Variants in AHNAK observed in about 807,000 individuals in gnomAD.
AHNAK encodes AHNAK nucleoprotein, also known as neuroblast differentiation-associated protein AHNAK.
A neutral mutation model predicts 37.8 loss-of-function variants in AHNAK; 23 were observed. That is an observed-to-expected ratio of 0.61 (90% confidence interval 0.44 to 0.86). AHNAK has a LOEUF of 0.86. AHNAK is among the 40% of genes least tolerant of loss of function. AHNAK has a pLI of 0.00. For synonymous variants in AHNAK, 2,481 were observed against 2,636.3 expected (o/e 0.94, Z 1.80); for missense variants, 7,411 against 7,319.4 (o/e 1.01, Z -0.46).
chr11:62,535,286 CA>C (rs1231266335), intron 3 of AHNAK, 96 bp from the exon 4 acceptor site: 1 of 1,118,026 alleles, frequency 8.9e-7, no homozygotes, highest in East Asian at 2.6e-5. Context: ...GACTTGAACT[CA>C]TGACCACCCT....
chr11:62,541,000 C>A (rs1287731263), intron 1 of AHNAK, among the ~76,000 whole-genome samples: 1 of 152,246 alleles, frequency 6.6e-6, no homozygotes, highest in African/African-American at 2.4e-5. Context: ...TCCAGAGGAG[C>A]CTCCTTCCTC....
In AHNAK at chr11:62,517,005, C is replaced by T. The variant is rs1296703484; in HGVS notation, c.17412G>A (p.Gly5804=). The T allele has an allele frequency of 4.3e-6, 7 of 1,614,230 alleles. No homozygotes were observed. The highest frequency in any genetic ancestry group is 4.5e-5 in the East Asian group (2 of 44,884). The change falls in exon 5 of 5, where the codon GGG becomes GGA. Residue 5804 remains glycine, a synonymous_variant. Transcript: ENST00000378024. Reference sequence around the variant, plus strand: ...CTTTCCCACCTTCCAGAGACACTTCCCCACCTTCAAACTCCAGCGTCCCCG... The same window carrying T: ...CTTTCCCACCTTCCAGAGACACTTCTCCACCTTCAAACTCCAGCGTCCCCG... ...TPTGTLEFEG[G]EVSLEGGKVK... is the part of the protein sequence containing the mutation.
rs781524307 is a variant in AHNAK, at chr11:62,519,334, A to G, written c.15083T>C (p.Ile5028Thr). ...CTTAATCTTAGGACCACTCATATGA[A>G]TTTTAGGCATTTTAAACTTACTTTT... ...GKKSKFKMPKIHMSGPKIKAK... is the reference protein window; with the variant it reads ...GKKSKFKMPKTHMSGPKIKAK... Residue 5028 changes from isoleucine (I) to threonine (T), a missense_variant, in exon 5 of 5, where the codon ATT (isoleucine) becomes ACT (threonine). Coordinates refer to ENST00000378024, the MANE Select transcript of AHNAK (RefSeq NM_001620.3). The G allele has an allele frequency of 3.7e-6, 6 of 1,613,924 alleles. No homozygotes were observed. In the Admixed American group the frequency reaches 1.0e-4, roughly 27 times the overall value.
intron 1 of AHNAK, among the ~76,000 whole-genome samples, chr11:62,539,266 C>G (rs202014915): frequency 0.035 from 5,260 of 152,282 alleles, 307 homozygotes; most frequent in African/African-American, 0.12. Context: ...AAAACAGATT[C>G]CAGACTTCAT....
Position 62,532,302 on chromosome 11 carries a change from G to A in AHNAK, c.2115C>T (p.His705=), listed in dbSNP as rs749159988. 5.8e-5 allele frequency: 93 copies of A among 1,612,382 alleles called. No individual in the cohort carries two copies. In the South Asian group the frequency reaches 6.9e-4, roughly 12 times the overall value. The stretch of plus-strand genomic sequence containing the variant: ...CTCCCTTCACCTTTGTACCTTTCAC[G>A]TGCAAATCTACATCAGGCATGGAGA... ...PKISMPDVDL[H]VKGTKVKGEY... Residue 705 remains histidine, a synonymous_variant, in exon 5 of 5, where the codon CAC becomes CAT. Transcript: ENST00000378024.
At chr11:62,490,267 TCTC>T (rs1939482079) in intron 5 of AHNAK, among the ~76,000 whole-genome samples, 3 of 148,372 alleles carry the variant, frequency 2.0e-5, no homozygotes, top group Admixed American at 1.4e-4. Flanking sequence ...AGTGGCCTGA[TCTC>T]AGCTCACTGC....
intron 5 of AHNAK, among the ~76,000 whole-genome samples, chr11:62,477,177 G>A (rs1159169677): frequency 1.3e-5 from 2 of 152,156 alleles, no homozygotes; most frequent in African/African-American, 4.8e-5. Context: ...CTTTCTAAGA[G>A]TTCGTCGAAT....
At chr11:62,488,431 C>T (rs1291901610) in intron 5 of AHNAK, among the ~76,000 whole-genome samples, 5 of 150,656 alleles carry the variant, frequency 3.3e-5, no homozygotes, top group African/African-American at 7.3e-5. Flanking sequence ...GACGGAGTTT[C>T]GCTCCTGTTG....
intron 5 of AHNAK, among the ~76,000 whole-genome samples, chr11:62,447,324 T>C (rs750341080): frequency 2.6e-5 from 4 of 152,168 alleles, no homozygotes; most frequent in Non-Finnish European, 5.9e-5. Flanking sequence ...AAAGCAAGCA[T>C]GTGTCCTTCT....
chr11:62,480,827 A>AAAAAAAAAAAG lies in AHNAK; in HGVS notation c.442+10904_442+10905insCTTTTTTTTTT, dbSNP rs139354282. 1.7e-5 allele frequency among the ~76,000 whole-genome samples: 2 copies of AAAAAAAAAAAG among 120,886 alleles called. 1 individual carries two copies. The highest frequency in any genetic ancestry group is 3.5e-5 in the Non-Finnish European group (2 of 57,892). The allele number at this position is 120,886 out of a possible 152,430, so 79.3% of individuals were successfully genotyped here. ...TTAAAAAAAAAAAAAAAAAAAAAAA[A>AAAAAAAAAAAG]CCTGGATTTGCTGCCTTCTGGTCTG... On this transcript the variant is annotated intron_variant, in intron 5 of 5. Coordinates refer to the AHNAK transcript ENST00000257247.
At chr11:62,511,177 C>T (rs1939902993), downstream of AHNAK, among the ~76,000 whole-genome samples, 1 of 152,046 alleles carries the variant, frequency 6.6e-6, no homozygotes, top group African/African-American at 2.4e-5. Flanking sequence ...TAGTCACACA[C>T]ATAATCACGC....
At chr11:62,442,041 A>G (rs2509953) in intron 5 of AHNAK, among the ~76,000 whole-genome samples, 7,391 of 152,234 alleles carry the variant, frequency 0.049, 585 homozygotes, top group African/African-American at 0.17. Flanking sequence ...CATCAGACAC[A>G]CATGGAGCTG....
rs1170031393 is a variant in AHNAK at position 62,523,196 on chromosome 11, T to C, written c.11221A>G (p.Lys3741Glu). 6.2e-7 allele frequency: 1 copy of C among 1,613,556 alleles called. No homozygotes were observed. Among genetic ancestry groups the C allele is most frequent in the Non-Finnish European group, 8.5e-7 (1 of 1,179,938 alleles). ...TCAGGCATCGATATTTTGGGAGCCT[T>C]CAGGTGCATCTCTGGTATCTTAAAT... ...PKFKIPEMHLKAPKISMPDID... is the reference protein window; with the variant it reads ...PKFKIPEMHLEAPKISMPDID... Residue 3741 changes from lysine to glutamate, a missense_variant, in exon 5 of 5, where the codon AAG becomes GAG. Transcript: ENST00000378024.
chr11:62,492,856 C>T (rs1195308328), intron 4 of AHNAK, among the ~76,000 whole-genome samples: 8 of 146,036 alleles, frequency 5.5e-5, no homozygotes, highest in Non-Finnish European at 1.0e-4. Context: ...CCAGCCGGGG[C>T]GACAGAGTGA....
Position 62,529,389 on chromosome 11 carries a change from G to C in AHNAK, c.5028C>G (p.Pro1676=). Reference sequence around the variant, plus strand: ...GCACTTTCATTTCACCTTCTACCTTGGGCACAGACACATCCATATCCCCTT... The same window carrying C: ...GCACTTTCATTTCACCTTCTACCTTCGGCACAGACACATCCATATCCCCTT... ...KVKGDMDVSV[P]KVEGEMKVPD... The change falls in exon 5 of 5, where the codon CCC becomes CCG. Residue 1676 remains proline (P), a synonymous_variant. Transcript: ENST00000378024. The C allele has an allele frequency of 1.2e-6, 2 of 1,613,054 alleles. No homozygotes were observed.
intron 4 of AHNAK, among the ~76,000 whole-genome samples, chr11:62,492,398 G>T (rs922202231): frequency 1.1e-4 from 17 of 152,172 alleles, no homozygotes; most frequent in Non-Finnish European, 2.1e-4. Context: ...CTGTGGGGAA[G>T]GGGAGTGTTC....
chr11:62,534,760 G>T (rs749948939), intron 4 of AHNAK, among the ~76,000 whole-genome samples: 1 of 152,184 alleles, frequency 6.6e-6, no homozygotes, highest in African/African-American at 2.4e-5. Context: ...GCACAAGTCA[G>T]TTCCCATACT....
chr11:62,491,804 A>T (rs1311521066), exon 5 of AHNAK: 2 of 1,612,822 alleles, frequency 1.2e-6, no homozygotes, highest in Admixed American at 3.3e-5. Context: ...TGGTCTTTGC[A>T]TTCCAGTGCT....
intron 5 of AHNAK, among the ~76,000 whole-genome samples, chr11:62,450,234 G>T (rs184120904): frequency 1.3e-5 from 2 of 151,586 alleles, no homozygotes; most frequent in East Asian, 1.9e-4. Flanking sequence ...CACGGCACAC[G>T]GCAACCTCTG....
Sources: gnomAD v4.1 joint callset for allele counts (sites outside exome capture counted in the v4.1 genomes callset) on GRCh38, gnomAD v4.1.1 for gene constraint, MANE v1.5 for transcripts, NCBI Gene and HGNC (gene_info 2026-07-23, HGNC 2026-07-21) for gene names.